C8orf34: variants seen among roughly 807,000 people sequenced by gnomAD.
The protein encoded by C8orf34 is chromosome 8 open reading frame 34.
A neutral mutation model predicts 68.3 loss-of-function variants in C8orf34; 65 were observed. That is an observed-to-expected ratio of 0.95 (90% CI 0.78 to 1.17). The LOEUF (loss-of-function observed/expected upper bound fraction) is 1.17, where lower values mean the gene tolerates loss of function less well. Ranked by LOEUF, C8orf34 falls within the 50% of genes most tolerant of loss-of-function variation. The pLI is 0.00. For missense variants in C8orf34, 664 were observed against 655.4 expected, an observed-to-expected ratio of 1.01 and a Z score of -0.14; for synonymous variants, 244 against 241.2, an observed-to-expected ratio of 1.01 and a Z score of -0.11.
At chr8:68,413,396 A>G (rs1265086072) in intron 1 of C8orf34, among the ~76,000 whole-genome samples, 4 of 152,216 alleles carry the variant, frequency 2.6e-5, no homozygotes, top group Admixed American at 2.0e-4. Context: ...TGAGTTATAT[A>G]ATGTGAGTGT....
intron 7 of C8orf34, among the ~76,000 whole-genome samples, chr8:68,557,760 C>CA (rs1458467665): frequency 1.3e-5 from 2 of 152,160 alleles, no homozygotes; most frequent in African/African-American, 4.8e-5. Flanking sequence ...TGGTGATTTT[C>CA]ACTGTGGTTT....
intron 1 of C8orf34, among the ~76,000 whole-genome samples, chr8:68,396,546 T>C (rs1379658792): frequency 6.6e-6 from 1 of 151,474 alleles, no homozygotes; most frequent in African/African-American, 2.4e-5. Context: ...AGTTTCAATA[T>C]CTGTCCCCTT....
At chr8:68,692,272 G>T (rs1158760498) in intron 8 of C8orf34, among the ~76,000 whole-genome samples, 1 of 152,038 alleles carries the variant, frequency 6.6e-6, no homozygotes, top group East Asian at 1.9e-4. Context: ...ATAGGTTCAG[G>T]ATGACTGCTG....
intron 7 of C8orf34, among the ~76,000 whole-genome samples, chr8:68,581,536 T>C (rs1454880908): frequency 2.0e-5 from 3 of 152,078 alleles, no homozygotes; most frequent in Non-Finnish European, 4.4e-5. Flanking sequence ...TTGAACTCCA[T>C]TGAGTGCTAA....
At chr8:68,442,831 C>A (rs1158049414) in intron 2 of C8orf34, among the ~76,000 whole-genome samples, 1 of 152,108 alleles carries the variant, frequency 6.6e-6, no homozygotes, top group African/African-American at 2.4e-5. Context: ...AAAGAGGTCA[C>A]TATAGTTTCT....
At chr8:68,642,231 G>A (rs969532330) in intron 8 of C8orf34, among the ~76,000 whole-genome samples, 3 of 152,148 alleles carry the variant, frequency 2.0e-5, no homozygotes, top group African/African-American at 7.2e-5. Context: ...GAGATAGAAA[G>A]AGATTTAGGT....
chr8:68,580,049 AT>A (rs1193411957), intron 7 of C8orf34, among the ~76,000 whole-genome samples: 1 of 152,146 alleles, frequency 6.6e-6, no homozygotes, highest in Non-Finnish European at 1.5e-5. Context: ...TCATAGGGGT[AT>A]TACAATGCAA....
intron 4 of C8orf34, among the ~76,000 whole-genome samples, chr8:68,487,343 A>T (rs1813121354): frequency 6.6e-6 from 1 of 152,220 alleles, no homozygotes; most frequent in Non-Finnish European, 1.5e-5. Context: ...AGTGGAATTG[A>T]TAGTGTATCA....
intron 1 of C8orf34, among the ~76,000 whole-genome samples, chr8:68,427,875 G>A (rs929597817): frequency 4.7e-5 from 7 of 150,480 alleles, no homozygotes; most frequent in Non-Finnish European, 1.0e-4. Flanking sequence ...AAATTAAAAT[G>A]TTTTAAAAAT....
At chr8:68,592,596 CTTTTTT>C (rs869214252) in intron 7 of C8orf34, among the ~76,000 whole-genome samples, 3 of 26,496 alleles carry the variant, frequency 1.1e-4, no homozygotes, top group African/African-American at 2.8e-4. Context: ...TTTATCTCTT[CTTTTTT>C]TTTTTTTTTT....
At chr8:68,655,081 C>A (rs927200486) in intron 8 of C8orf34, among the ~76,000 whole-genome samples, 1 of 151,826 alleles carries the variant, frequency 6.6e-6, no homozygotes, top group Non-Finnish European at 1.5e-5. Flanking sequence ...CATTTAATAC[C>A]CATTTTGTTG....
At chr8:68,388,718 C>T (rs1808361385) in intron 1 of C8orf34, among the ~76,000 whole-genome samples, 1 of 152,032 alleles carries the variant, frequency 6.6e-6, no homozygotes, top group Non-Finnish European at 1.5e-5. Flanking sequence ...GATCAGTTGC[C>T]CAGTGCCAAA....
chr8:68,680,937 C>T (rs1820350880), intron 8 of C8orf34, among the ~76,000 whole-genome samples: 2 of 152,148 alleles, frequency 1.3e-5, no homozygotes, highest in Non-Finnish European at 2.9e-5. Context: ...GTGTATAGAC[C>T]TCCCCCCAGG....
At chr8:68,433,226 A>T (rs1218797917) in intron 1 of C8orf34, among the ~76,000 whole-genome samples, 1 of 152,190 alleles carries the variant, frequency 6.6e-6, no homozygotes, top group African/African-American at 2.4e-5. Context: ...ACAGATGCAG[A>T]TTTAGAGTAA....
At chr8:68,573,508 A>C (rs1816815731) in intron 7 of C8orf34, among the ~76,000 whole-genome samples, 1 of 152,148 alleles carries the variant, frequency 6.6e-6, no homozygotes. Context: ...CTGCAGATGC[A>C]TGAGAGAGAT....
At chr8:68,531,315 T>A (rs1475428559) in intron 6 of C8orf34, among the ~76,000 whole-genome samples, 1 of 152,176 alleles carries the variant, frequency 6.6e-6, no homozygotes, top group Non-Finnish European at 1.5e-5. Flanking sequence ...TAGCATCTAA[T>A]AAAAGATCAT....
chr8:68,640,387 G>T lies in C8orf34; in HGVS notation c.1117G>T (p.Asp373Tyr). ...TTGTGTTGTTACAGAGGATCTTAAT[G>T]ATTTAAGAATGGAGGGAGTAACAAC... Reference protein sequence around the residue: ...DAMELLEDLNDLRMEGVTTLV... With the variant: ...DAMELLEDLNYLRMEGVTTLV... Residue 373 changes from aspartate to tyrosine, a missense_variant, in exon 8 of 14, where the codon GAT becomes TAT. Transcript: ENST00000518698. 1.2e-6 allele frequency: 2 copies of T among 1,613,272 alleles called. No individual in the cohort carries two copies. The highest frequency in any genetic ancestry group is 1.7e-6 in the Non-Finnish European group (2 of 1,179,554).
intron 10 of C8orf34, among the ~76,000 whole-genome samples, chr8:68,731,425 G>T (rs1396762987): frequency 2.0e-5 from 3 of 151,586 alleles, no homozygotes; most frequent in East Asian, 3.9e-4. Context: ...TATATTAAAA[G>T]AACATTTGGA....
At chr8:68,678,187 C>A (rs940331558) in intron 8 of C8orf34, among the ~76,000 whole-genome samples, 1 of 150,242 alleles carries the variant, frequency 6.7e-6, no homozygotes, top group Non-Finnish European at 1.5e-5. Flanking sequence ...AAAAAATAGA[C>A]GATGGAATAC....
Sources: allele counts gnomAD v4.1 joint callset (sites outside exome capture counted in the v4.1 genomes callset), GRCh38; gene constraint gnomAD v4.1.1; transcripts MANE v1.5; gene names NCBI Gene and HGNC (gene_info 2026-07-23, HGNC 2026-07-21).